CDIN1: variants seen among roughly 807,000 people sequenced by gnomAD.
The protein encoded by CDIN1 is CDAN1 interacting nuclease 1.
CDIN1 carries 33 observed loss-of-function variants against 45.3 expected under a neutral mutation model. The ratio of observed to expected loss-of-function variants is 0.73; its 90% CI spans 0.55 to 0.97. CDIN1 has a LOEUF of 0.97. Among genes scored for constraint, CDIN1 ranks in the 50% least tolerant of loss-of-function variants. The pLI, the probability that CDIN1 is intolerant of heterozygous loss-of-function variation, is 0.00. For synonymous variants in CDIN1, 118 were observed against 124.4 expected, an observed-to-expected ratio of 0.95 and a Z score of 0.34; for missense variants, 303 against 339.4, an observed-to-expected ratio of 0.89 and a Z score of 0.84.
chr15:36,676,116 AC>A (rs1267700016), intron 5 of CDIN1, among the ~76,000 whole-genome samples: 1 of 152,176 alleles, frequency 6.6e-6, no homozygotes, highest in East Asian at 1.9e-4. Flanking sequence ...GTAATTAGTC[AC>A]ATGGGTTTAG....
At chr15:36,794,646 CTG>C (rs144120537) in intron 10 of CDIN1, among the ~76,000 whole-genome samples, 25,787 of 152,034 alleles carry the variant, frequency 0.17, 2,365 homozygotes, top group Non-Finnish European at 0.21. Context: ...TTTTTTAAGA[CTG>C]TGTAATATTC....
chr15:36,652,204 A>G (rs1327139268), intron 3 of CDIN1, among the ~76,000 whole-genome samples: 1 of 151,968 alleles, frequency 6.6e-6, no homozygotes, highest in Non-Finnish European at 1.5e-5. Context: ...CTGCCTTTTT[A>G]TTGTTTGTGT....
intron 1 of CDIN1, among the ~76,000 whole-genome samples, chr15:36,637,935 C>T (rs1194231074): frequency 2.0e-5 from 3 of 152,046 alleles, no homozygotes; most frequent in Non-Finnish European, 4.4e-5. Context: ...TAGGAAAGAT[C>T]AGAAGTGGCT....
At chr15:36,714,406 G>A (rs2043153906) in intron 10 of CDIN1, among the ~76,000 whole-genome samples, 1 of 152,098 alleles carries the variant, frequency 6.6e-6, no homozygotes, top group Admixed American at 6.6e-5. Flanking sequence ...TCTAAGCAGA[G>A]GATAAACTCT....
At chr15:36,786,020 G>A (rs570961277) in intron 10 of CDIN1, among the ~76,000 whole-genome samples, 1 of 152,310 alleles carries the variant, frequency 6.6e-6, no homozygotes, top group East Asian at 1.9e-4. Flanking sequence ...CCATTTTGTT[G>A]TAATATAAAG....
intron 5 of CDIN1, 129 bp from the exon 6 acceptor site, chr15:36,691,556 G>GA (rs1006869402): frequency 2.3e-5 from 14 of 620,446 alleles, no homozygotes; most frequent in Non-Finnish European, 3.6e-5. Flanking sequence ...ATAGAAAAAG[G>GA]AAAAAATGAT....
intron 8 of CDIN1, among the ~76,000 whole-genome samples, chr15:36,698,048 A>T (rs1324689796): frequency 6.6e-6 from 1 of 152,192 alleles, no homozygotes; most frequent in Non-Finnish European, 1.5e-5. Context: ...TAATTTGTAA[A>T]GGTTTCATAC....
At chr15:36,653,854 A>C (rs2040671244) in intron 3 of CDIN1, among the ~76,000 whole-genome samples, 1 of 152,206 alleles carries the variant, frequency 6.6e-6, no homozygotes, top group Non-Finnish European at 1.5e-5. Flanking sequence ...GAAAGAAAAC[A>C]AGGGAGACCT....
At chr15:36,792,576 T>C (rs1277680652) in intron 10 of CDIN1, among the ~76,000 whole-genome samples, 1 of 151,846 alleles carries the variant, frequency 6.6e-6, no homozygotes, top group Non-Finnish European at 1.5e-5. Flanking sequence ...GACAGTCTTT[T>C]TTCTGTATGA....
At chr15:36,580,300 T>C (rs977491989) in intron 1 of CDIN1, among the ~76,000 whole-genome samples, 2 of 152,170 alleles carry the variant, frequency 1.3e-5, no homozygotes, top group African/African-American at 4.8e-5. Context: ...GAATGAATGA[T>C]GGGTGGGAAT....
chr15:36,753,415 A>C (rs912507051), intron 10 of CDIN1, among the ~76,000 whole-genome samples: 1 of 152,120 alleles, frequency 6.6e-6, no homozygotes, highest in African/African-American at 2.4e-5. Flanking sequence ...ATCTGGGATC[A>C]TGTAGATGGT....
chr15:36,732,739 AAGTC>A (rs998153153), intron 10 of CDIN1, among the ~76,000 whole-genome samples: 1 of 152,078 alleles, frequency 6.6e-6, no homozygotes, highest in Non-Finnish European at 1.5e-5. Context: ...AAAATAAAAA[AAGTC>A]AGGGGAATTA....
At chr15:36,625,122 A>G (rs1176656352) in intron 1 of CDIN1, among the ~76,000 whole-genome samples, 2 of 152,014 alleles carry the variant, frequency 1.3e-5, no homozygotes, top group Non-Finnish European at 2.9e-5. Context: ...CTAAAAATAC[A>G]AAAGAAAAAT....
intron 4 of CDIN1, among the ~76,000 whole-genome samples, chr15:36,656,534 A>G (rs1015548876): frequency 2.6e-5 from 4 of 152,142 alleles, no homozygotes; most frequent in African/African-American, 7.2e-5. Flanking sequence ...TTGAAGCACT[A>G]TGCATTTTAT....
chr15:36,629,929 T>A (rs1157270708), intron 1 of CDIN1, among the ~76,000 whole-genome samples: 1 of 152,154 alleles, frequency 6.6e-6, no homozygotes, highest in African/African-American at 2.4e-5. Flanking sequence ...TGTATATTAT[T>A]TTTTAGGTAA....
intron 10 of CDIN1, among the ~76,000 whole-genome samples, chr15:36,788,775 T>C (rs1414667506): frequency 6.6e-6 from 1 of 152,168 alleles, no homozygotes; most frequent in African/African-American, 2.4e-5. Flanking sequence ...AAGGACTCAT[T>C]TGATAAATGT....
chr15:36,714,341 C>T (rs370024259), intron 10 of CDIN1, among the ~76,000 whole-genome samples: 1 of 151,950 alleles, frequency 6.6e-6, no homozygotes, highest in Non-Finnish European at 1.5e-5. Context: ...GGTTGCTTTC[C>T]CAAAACTTCA....
At chr15:36,602,210 C>T (rs954201805) in intron 1 of CDIN1, among the ~76,000 whole-genome samples, 1 of 152,232 alleles carries the variant, frequency 6.6e-6, no homozygotes, top group Non-Finnish European at 1.5e-5. Context: ...CTATCAGCGC[C>T]TGCATCTTGT....
chr15:36,638,639 A>C (rs1159353854), intron 1 of CDIN1, among the ~76,000 whole-genome samples: 1 of 152,244 alleles, frequency 6.6e-6, no homozygotes, highest in African/African-American at 2.4e-5. Context: ...TGCAGTCAGT[A>C]GTTCCTTTAT....
Sources: gnomAD v4.1 joint callset for allele counts (sites outside exome capture counted in the v4.1 genomes callset) on GRCh38, gnomAD v4.1.1 for gene constraint, MANE v1.5 for transcripts, NCBI Gene and HGNC (gene_info 2026-07-23, HGNC 2026-07-21) for gene names.